MYH7: variants seen among roughly 807,000 people sequenced by gnomAD.
The protein encoded by MYH7 is myosin-7.
A neutral mutation model predicts 225.4 loss-of-function variants in MYH7; 129 were observed. The observed-to-expected ratio is 0.57, with a 90% confidence interval of 0.50 to 0.66. The LOEUF (loss-of-function observed/expected upper bound fraction) is 0.66. Ranked by LOEUF, MYH7 falls within the 30% of genes least tolerant of loss-of-function variation. The pLI, the probability that MYH7 is intolerant of heterozygous loss-of-function variation, is 0.00. For missense variants in MYH7, 1,649 were observed against 2,517.0 expected (o/e 0.66, Z 7.38); for synonymous variants, 971 against 1,007.6 (o/e 0.96, Z 0.69).
Position 23,415,451 on chromosome 14 carries a change from T to C in MYH7, c.5213A>G (p.Gln1738Arg). 1 of 1,614,266 alleles carries C rather than the reference T, an allele frequency of 6.2e-7. No individual in the cohort carries two copies. Among genetic ancestry groups the C allele is most frequent in the East Asian group, 2.2e-5 (1 of 44,886 alleles). ...KKMDADLSQL[Q>R]TEVEEAVQEC... ...CTGCACTGCCTCCTCCACTTCAGTC[T>C]GGAGCTGGGACAGGTCAGCATCCAT... The change falls in exon 36 of 40, where the codon CAG (glutamine) becomes CGG (arginine). Residue 1738 changes from glutamine (Q) to arginine (R), a missense_variant. Gln to Arg is a conservative substitution (Grantham distance 43). Coordinates refer to ENST00000355349, the MANE Select transcript of MYH7 (RefSeq NM_000257.4). The surrounding 1 kb of genome is among the most constrained non-coding windows in gnomAD (Gnocchi z 6.3).
At chr14:23,428,012 T>C (rs1892764555) in intron 15 of MYH7, 118 bp from the exon 16 acceptor site, 32 of 1,316,512 alleles carry the variant, frequency 2.4e-5, no homozygotes, top group Non-Finnish European at 3.3e-5. Flanking sequence ...GGTAGTAGGC[T>C]CAGCTCTGAG....
At chr14:23,426,750 T>G in intron 18 of MYH7, 27 bp downstream of exon 18, 2 of 1,602,032 alleles carry the variant, frequency 1.2e-6, no homozygotes, top group Non-Finnish European at 1.7e-6. Flanking sequence ...TGCCCAGCAG[T>G]GGGTTGGCCT....
At position 23,415,099 on chromosome 14, in the gene MYH7, C is replaced by A; in HGVS notation, c.5455G>T (p.Val1819Leu). Residue 1819 changes from valine (V) to leucine (L), a missense_variant, in exon 37 of 40, where the codon GTG (valine) becomes TTG (leucine). This residue lies in a region of MYH7 where 687 missense variants were observed against 913.8 expected (regional missense o/e 0.75). Coordinates refer to ENST00000355349, the MANE Select transcript of MYH7 (RefSeq NM_000257.4). This position sits in a 1 kb window ranked among gnomAD's most constrained non-coding sequence, Gnocchi z 6.3. ...KKQLQKLEARVRELENELEAE... is the reference protein window; with the variant it reads ...KKQLQKLEARLRELENELEAE... The stretch of plus-strand genomic sequence containing the variant: ...TCCAGCTCATTCTCCAGCTCCCGCA[C>A]CCGCGCTTCCAGCTTCTGCAGCTGC... 1 of 1,614,086 alleles carries A rather than the reference C, an allele frequency of 6.2e-7. No individual in the cohort carries two copies.
In MYH7 at chr14:23,419,896, C is replaced by T. The variant is rs1892399101; in HGVS notation, c.3675G>A (p.Lys1225=). The T allele has an allele frequency of 1.2e-6, 2 of 1,613,484 alleles. No individual in the cohort carries two copies. ...QKLEKEKSEF[K]LELDDVTSNM... ...TGGAGGTGACGTCATCCAGCTCCAG[C>T]TTGAACTCGCTCTTCTCCTTCTCCA... The change falls in exon 27 of 40, where the codon AAG becomes AAA. Residue 1225 remains lysine (K), a synonymous_variant. Coordinates refer to ENST00000355349, the MANE Select transcript of MYH7 (RefSeq NM_000257.4).
chr14:23,426,995 G>T (rs1254790556), intron 17 of MYH7, 131 bp from the exon 18 acceptor site: 1 of 892,854 alleles, frequency 1.1e-6, no homozygotes, highest in Non-Finnish European at 1.8e-6. Flanking sequence ...AGGGGCCCTG[G>T]GGGCAGACAG....
chr14:23,418,405 G>T lies in MYH7; in HGVS notation c.3974C>A (p.Ala1325Glu), dbSNP rs768393069. Residue 1325 changes from alanine to glutamate, a missense_variant and splice_region_variant, in exon 30 of 40, where the codon GCG (alanine) becomes GAG (glutamate). Ala to Glu is a moderately radical substitution (Grantham distance 107). Transcript: ENST00000355349. ...LKRQLEEEVK[A>E]KNALAHALQS... ...CAGTGCGTGGGCCAGGGCGTTCTTC[G>T]CCTGGGGAGGGGTGGGCACCAGGAG... The T allele has an allele frequency of 6.2e-7, 1 of 1,603,860 alleles. No individual in the cohort carries two copies. Among genetic ancestry groups the T allele is most frequent in the Non-Finnish European group, 8.5e-7 (1 of 1,173,462 alleles).
chr14:23,422,190 G>T lies in MYH7; in HGVS notation c.3235C>A (p.Arg1079=), dbSNP rs192722540. The T allele has an allele frequency of 6.2e-7, 1 of 1,612,968 alleles. No individual in the cohort carries two copies. Among genetic ancestry groups the T allele is most frequent in the East Asian group, 2.2e-5 (1 of 44,864 alleles). Residue 1079 remains arginine (R), a synonymous_variant, in exon 25 of 40, where the codon CGG becomes AGG. Transcript: ENST00000355349. The part of the protein sequence containing the change: ...LENDKQQLDE[R]LKKKDFELNA... Reference sequence around the variant, plus strand: ...GAGGGGACACAGTACTTTTTCAGCCGCTCATCCAGCTGCTGCTTGTCATTC... The same window carrying T: ...GAGGGGACACAGTACTTTTTCAGCCTCTCATCCAGCTGCTGCTTGTCATTC...
chr14:23,415,366 G>A lies in MYH7; in HGVS notation c.5283+15C>T, dbSNP rs1052787042. 3 of 1,614,202 alleles carry A rather than the reference G, an allele frequency of 1.9e-6. No individual in the cohort carries two copies. Among genetic ancestry groups the A allele is most frequent in the South Asian group, 1.1e-5 (1 of 91,084 alleles). The stretch of plus-strand genomic sequence containing the variant: ...GACACTGGTCTGGATCGGGTCGGTG[G>A]AGTGGGGGACTTACATCCGTGATGG... On this transcript the variant is annotated intron_variant, in intron 36 of 39. Transcript: ENST00000355349. This position sits in a 1 kb window ranked among gnomAD's most constrained non-coding sequence, Gnocchi z 6.3.
In MYH7 at chr14:23,425,581, G is replaced by C; in HGVS notation, c.2286+114C>G. 6.3e-7 allele frequency: 1 copy of C among 1,587,630 alleles called. No individual in the cohort carries two copies. Among genetic ancestry groups the C allele is most frequent in the Non-Finnish European group, 8.6e-7 (1 of 1,162,208 alleles). On this transcript the variant is annotated intron_variant, in intron 20 of 39. Coordinates refer to ENST00000355349, the MANE Select transcript of MYH7 (RefSeq NM_000257.4). This position sits in a 1 kb window ranked among gnomAD's most constrained non-coding sequence, Gnocchi z 4.6. Reference sequence around the variant, plus strand: ...GGAGTGGTGCTAGATGTTCCACTGGGAGGGGTAGCATACAGGTAAGAGATT... The same window carrying C: ...GGAGTGGTGCTAGATGTTCCACTGGCAGGGGTAGCATACAGGTAAGAGATT...
intron 14 of MYH7, 106 bp from the exon 15 acceptor site, chr14:23,428,776 C>T: frequency 6.3e-7 from 1 of 1,591,728 alleles, no homozygotes; most frequent in Non-Finnish European, 8.6e-7. Flanking sequence ...GGCTGGTCCC[C>T]TCCATGTCAA....
At position 23,425,028 on chromosome 14, in the gene MYH7, C is replaced by T; in HGVS notation, c.2424-4G>A. The T allele has an allele frequency of 1.2e-6, 2 of 1,614,200 alleles. No individual in the cohort carries two copies. Among genetic ancestry groups the T allele is most frequent in the Non-Finnish European group, 8.5e-7 (1 of 1,180,040 alleles). On this transcript the variant is annotated splice_region_variant and splice_polypyrimidine_tract_variant and intron_variant, in intron 21 of 39. Transcript: ENST00000355349. The surrounding 1 kb of genome is among the most constrained non-coding windows in gnomAD (Gnocchi z 4.6). ...CTGGATTACCAGCAGGGAGTCTCTG[C>T]AGGGGCCCATTGAAAGGAGTGCTGA...
chr14:23,419,489 C>T lies in MYH7; in HGVS notation c.3847G>A (p.Glu1283Lys), dbSNP rs1892375580. ...GCCCCTGCTCTAGGCTCACCATTCTCGGTTTGCAACTTGGCCCGCTGGCTG... is the reference window on the plus strand; with the variant it reads ...GCCCCTGCTCTAGGCTCACCATTCTTGGTTTGCAACTTGGCCCGCTGGCTG... The part of the protein sequence containing the change: ...LTSQRAKLQT[E>K]NGELSRQLDE... Residue 1283 changes from glutamate to lysine, a missense_variant, in exon 28 of 40, where the codon GAG becomes AAG. Physicochemically the swap from Glu to Lys is moderately conservative, Grantham distance 56. Around this residue, in one of 12 missense-constraint regions of MYH7, gnomAD observed 687 missense variants for 913.8 expected, o/e 0.75. Transcript: ENST00000355349. The T allele has an allele frequency of 3.7e-6, 6 of 1,614,086 alleles. No homozygotes were observed. The highest frequency in any genetic ancestry group is 5.1e-6 in the Non-Finnish European group (6 of 1,180,010).
rs534015698 is a variant in MYH7 at position 23,431,081 on chromosome 14, CA to C, written c.797-83del. The C allele has an allele frequency of 2.8e-5, 29 of 1,045,280 alleles. No individual in the cohort carries two copies. In the African/African-American group the frequency reaches 3.9e-4, roughly 14 times the overall value. 64.8% of individuals were successfully genotyped at this position (1,045,280 alleles called of 1,614,324 possible). On this transcript the variant is annotated intron_variant, in intron 9 of 39. Coordinates refer to ENST00000355349, the MANE Select transcript of MYH7 (RefSeq NM_000257.4). Reference sequence around the variant, plus strand: ...GAAAATTAATGATAAATGTAGCAAGCAAAAGGCAGAGGGAAGGGAAGAGCCA... The same window carrying C: ...GAAAATTAATGATAAATGTAGCAAGCAAAGGCAGAGGGAAGGGAAGAGCCA...
chr14:23,429,748 C>A lies in MYH7; in HGVS notation c.1138+27G>T. 4 of 1,610,872 alleles carry A rather than the reference C, an allele frequency of 2.5e-6. No homozygotes were observed. In the East Asian group the frequency reaches 6.7e-5, roughly 27 times the overall value. ...GACATGGCCCTCCATGACTTGACAG[C>A]TGCCCCCAAGAATCCCTGCCTCCCA... On this transcript the variant is annotated intron_variant, in intron 12 of 39. Coordinates refer to ENST00000355349, the MANE Select transcript of MYH7 (RefSeq NM_000257.4).
At position 23,419,218 on chromosome 14, in the gene MYH7, G is replaced by C. The variant is rs775776635; in HGVS notation, c.3931C>G (p.Gln1311Glu). The change falls in exon 29 of 40, where the codon CAG becomes GAG. Residue 1311 changes from glutamine to glutamate, a missense_variant. Physicochemically the swap from Gln to Glu is conservative, Grantham distance 29. Around this residue, in one of 12 missense-constraint regions of MYH7, gnomAD observed 687 missense variants for 913.8 expected, o/e 0.75. Transcript: ENST00000355349. ...AGCTGCCTCTTGAGGTCCTCCAGCT[G>C]CTGGGTGTAGGTGAGCTTGCCTCGG... Reference protein sequence around the residue: ...LTRGKLTYTQQLEDLKRQLEE... With the variant: ...LTRGKLTYTQELEDLKRQLEE... 6.2e-7 allele frequency: 1 copy of C among 1,614,078 alleles called. No individual in the cohort carries two copies. Among genetic ancestry groups the C allele is most frequent in the South Asian group, 1.1e-5 (1 of 91,094 alleles).
Position 23,415,771 on chromosome 14 carries a change from G to A in MYH7, c.5015C>T (p.Ala1672Val), listed in dbSNP as rs2138640632. Residue 1672 changes from alanine to valine, a missense_variant, in exon 35 of 40, where the codon GCC becomes GTC. This residue lies in a region of MYH7 where 687 missense variants were observed against 913.8 expected (regional missense o/e 0.75). Coordinates refer to ENST00000355349, the MANE Select transcript of MYH7 (RefSeq NM_000257.4). The surrounding 1 kb of genome is among the most constrained non-coding windows in gnomAD (Gnocchi z 6.3). ...CAGGTTGTTGCGCCGCTCCACGATG[G>A]CGATGTTCTCCTTCAGGTCGTCGTT... is the stretch of plus-strand genomic sequence containing the variant. ...RANDDLKENI[A>V]IVERRNNLLQ... The A allele has an allele frequency of 6.2e-7, 1 of 1,614,198 alleles. No homozygotes were observed. The highest frequency in any genetic ancestry group is 8.5e-7 in the Non-Finnish European group (1 of 1,180,044).
Position 23,427,688 on chromosome 14 carries a change from C to T in MYH7, c.1785G>A (p.Gln595=). ...IVDYNIIGWL[Q]KNKDPLNETV... ...TCTCATTGAGAGGATCCTTGTTCTT[C>T]TGCAGCCAGCCAATGATGTTGTAGT... Residue 595 remains glutamine, a synonymous_variant, in exon 16 of 40, where the codon CAG becomes CAA. Coordinates refer to ENST00000355349, the MANE Select transcript of MYH7 (RefSeq NM_000257.4). The T allele has an allele frequency of 6.2e-7, 1 of 1,614,228 alleles. No homozygotes were observed. Among genetic ancestry groups the T allele is most frequent in the Non-Finnish European group, 8.5e-7 (1 of 1,180,034 alleles).
At chr14:23,414,783 T>C (rs772691126) in intron 37 of MYH7, among the ~76,000 whole-genome samples, 3 of 151,864 alleles carry the variant, frequency 2.0e-5, no homozygotes, top group Admixed American at 1.3e-4. Context: ...TAAGAGTGGG[T>C]GTTGAGATGG....
intron 26 of MYH7, among the ~76,000 whole-genome samples, chr14:23,420,737 A>G (rs1338118550): frequency 6.6e-6 from 1 of 152,176 alleles, no homozygotes; most frequent in African/African-American, 2.4e-5. Context: ...ACAGGAAGCC[A>G]GGAATTCTGC....
Sources: allele counts gnomAD v4.1 joint callset (sites outside exome capture counted in the v4.1 genomes callset), GRCh38; gene constraint gnomAD v4.1.1; regional missense constraint gnomAD v4.1.1; non-coding constraint Gnocchi (gnomAD v3.1); transcripts MANE v1.5; gene names NCBI Gene and HGNC (gene_info 2026-07-23, HGNC 2026-07-21).